The following CLIP2 variants were observed in gnomAD, a reference collection of about 807,000 sequenced individuals.
The protein encoded by CLIP2 is CAP-Gly domain containing linker protein 2.
A neutral mutation model predicts 111.7 loss-of-function variants in CLIP2; 41 were observed. The observed-to-expected ratio is 0.37, with a 90% CI of 0.29 to 0.48. CLIP2 has a LOEUF of 0.48. CLIP2 is among the 20% of genes least tolerant of loss of function. The pLI is 0.99. For synonymous variants in CLIP2, 660 were observed against 644.2 expected (o/e 1.02, Z -0.37); for missense variants, 1,160 against 1,422.1 (o/e 0.82, Z 2.96).
chr7:74,349,875 A>G (rs1295618387), intron 3 of CLIP2, among the ~76,000 whole-genome samples: 2 of 151,848 alleles, frequency 1.3e-5, no homozygotes, highest in East Asian at 3.9e-4. Flanking sequence ...TCGGCCTCCC[A>G]AAGTGCTGTG....
At chr7:74,321,263 G>T (rs1450150588) in intron 2 of CLIP2, among the ~76,000 whole-genome samples, 1 of 151,950 alleles carries the variant, frequency 6.6e-6, no homozygotes, top group South Asian at 2.1e-4. Flanking sequence ...AGAAAAAAAC[G>T]TCCATTATCC....
At chr7:74,290,554 A>T (rs901838952) in intron 1 of CLIP2, among the ~76,000 whole-genome samples, 1 of 152,098 alleles carries the variant, frequency 6.6e-6, no homozygotes, top group Non-Finnish European at 1.5e-5. Context: ...CAGAGGGAGC[A>T]CCTTGGGGGG....
At chr7:74,340,967 G>T (rs1260242286) in intron 3 of CLIP2, among the ~76,000 whole-genome samples, 3 of 152,104 alleles carry the variant, frequency 2.0e-5, no homozygotes, top group African/African-American at 7.2e-5. Flanking sequence ...AAAGCATATT[G>T]CTGCCTGGGA....
At chr7:74,330,248 C>CT (rs10635770) in intron 2 of CLIP2, among the ~76,000 whole-genome samples, 100 of 136,440 alleles carry the variant, frequency 7.3e-4, no homozygotes, top group Admixed American at 1.3e-3. Context: ...TGTTTCTTTT[C>CT]TTTTTTTTTT....
chr7:74,341,888 C>G (rs1789666183), intron 3 of CLIP2, among the ~76,000 whole-genome samples: 1 of 152,138 alleles, frequency 6.6e-6, no homozygotes, highest in Admixed American at 6.5e-5. Context: ...GGCCAGTGAT[C>G]GCAGACATCA....
intron 13 of CLIP2, among the ~76,000 whole-genome samples, chr7:74,390,567 G>T (rs928085370): frequency 6.6e-6 from 1 of 151,992 alleles, no homozygotes; most frequent in South Asian, 2.1e-4. Flanking sequence ...TACTCAGGAG[G>T]CTGAGGTGGG....
Position 74,305,848 on chromosome 7 carries a change from C to T in CLIP2, c.-67-11632C>T, listed in dbSNP as rs1350848153. Among the ~76,000 whole-genome samples, 11 of 110,044 alleles carry T rather than the reference C, an allele frequency of 1.0e-4. 1 individual carries two copies. Among genetic ancestry groups the T allele is most frequent in the Non-Finnish European group, 1.8e-4 (10 of 56,134 alleles). The allele number at this position is 110,044 out of a possible 152,430, so 72.2% of individuals were successfully genotyped here. On this transcript the variant is annotated intron_variant, in intron 1 of 16. Coordinates refer to ENST00000223398, the MANE Select transcript of CLIP2 (RefSeq NM_003388.5). Reference sequence around the variant, plus strand: ...AGCCCCCAGCTGGCTTCTCTCCCTGCACCCCAACCCCCCCCCACCGCCCCT... The same window carrying T: ...AGCCCCCAGCTGGCTTCTCTCCCTGTACCCCAACCCCCCCCCACCGCCCCT...
At chr7:74,320,418 A>G (rs1207589310) in intron 2 of CLIP2, among the ~76,000 whole-genome samples, 1 of 152,038 alleles carries the variant, frequency 6.6e-6, no homozygotes, top group Non-Finnish European at 1.5e-5. Context: ...GTTACTTGGC[A>G]GCCTGAAGTA....
intron 11 of CLIP2, among the ~76,000 whole-genome samples, chr7:74,384,081 C>T (rs192693415): frequency 4.3e-4 from 66 of 152,246 alleles, no homozygotes; most frequent in African/African-American, 1.6e-3. Context: ...CCCAGCTACG[C>T]AGGAAGATGA....
intron 3 of CLIP2, among the ~76,000 whole-genome samples, chr7:74,340,659 G>T (rs1789632704): frequency 6.6e-6 from 1 of 152,130 alleles, no homozygotes; most frequent in Non-Finnish European, 1.5e-5. Context: ...TAGTCAGGTG[G>T]ATGGGACAGG....
At position 74,386,517 on chromosome 7, in the gene CLIP2, C is replaced by T. The variant is rs1554314815; in HGVS notation, c.2480-4C>T. 2 of 1,611,566 alleles carry T rather than the reference C, an allele frequency of 1.2e-6. No homozygotes were observed. Among genetic ancestry groups the T allele is most frequent in the African/African-American group, 2.7e-5 (2 of 74,882 alleles). The stretch of plus-strand genomic sequence containing the variant: ...ATGCTTCTCGTCTCTCCTCTCTCCC[C>T]TAGGCCTGCAGGACAAGCTGAACAA... On this transcript the variant is annotated splice_region_variant and splice_polypyrimidine_tract_variant and intron_variant, in intron 11 of 16. Coordinates refer to ENST00000223398, the MANE Select transcript of CLIP2 (RefSeq NM_003388.5).
chr7:74,317,594 C>A lies in CLIP2; in HGVS notation c.48C>A (p.His16Gln). 1 of 1,518,944 alleles carries A rather than the reference C, an allele frequency of 6.6e-7. No homozygotes were observed. The highest frequency in any genetic ancestry group is 8.9e-7 in the Non-Finnish European group (1 of 1,127,964). The allele number at this position is 1,518,944 out of a possible 1,614,324, so 94.1% of individuals were successfully genotyped here. ...AGCCCCCCGGCCGTGGGGGGAAGCA[C>A]TCCAGCCCCATGGGCCGGACATCTA... is the stretch of plus-strand genomic sequence containing the variant. ...GLKPPGRGGK[H>Q]SSPMGRTSTG... The change falls in exon 2 of 17, where the codon CAC (histidine) becomes CAA (glutamine). Residue 16 changes from histidine to glutamine, a missense_variant. His to Gln is a conservative substitution (Grantham distance 24). This residue lies in a region of CLIP2 where 301 missense variants were observed against 315.2 expected (regional missense o/e 0.96). Coordinates refer to ENST00000223398, the MANE Select transcript of CLIP2 (RefSeq NM_003388.5).
rs192159074 is a variant in CLIP2 at position 74,388,200 on chromosome 7, C to T, written c.2564-903C>T. ...CAAAAAAATTAGCTGAGCGTGGTAGCGTGCACCTGTAGTCCCAGCTACTCA... is the reference window on the plus strand; with the variant it reads ...CAAAAAAATTAGCTGAGCGTGGTAGTGTGCACCTGTAGTCCCAGCTACTCA... On this transcript the variant is annotated intron_variant, in intron 12 of 16. Transcript: ENST00000223398. 8.9e-4 allele frequency among the ~76,000 whole-genome samples: 135 copies of T among 152,140 alleles called. 1 individual carries two copies. The highest frequency in any genetic ancestry group is 3.0e-3 in the African/African-American group (125 of 41,506).
chr7:74,400,326 C>T (rs1024512403), intron 14 of CLIP2, 44 bp from the exon 15 acceptor site: 1 of 1,502,428 alleles, frequency 6.7e-7, no homozygotes. Flanking sequence ...CACCAACACA[C>T]ACACGCACAC....
At position 74,389,176 on chromosome 7, in the gene CLIP2, A is replaced by G. The variant is rs1791204653; in HGVS notation, c.2637A>G (p.Ala879=). The change falls in exon 13 of 17, where the codon GCA becomes GCG. Residue 879 remains alanine, a synonymous_variant. Transcript: ENST00000223398. The part of the protein sequence containing the change: ...ALLKEKRRLE[A]ELETVSRKTH... ...TGAAGGAGAAGCGGCGCCTGGAGGC[A>G]GAGCTGGAGACCGTGTCCCGGAAGA... 1 of 1,613,616 alleles carries G rather than the reference A, an allele frequency of 6.2e-7. No individual in the cohort carries two copies. Among genetic ancestry groups the G allele is most frequent in the South Asian group, 1.1e-5 (1 of 91,070 alleles).
Position 74,357,269 on chromosome 7 carries a change from C to T in CLIP2, c.1018-11C>T, listed in dbSNP as rs782346879. 4.3e-6 allele frequency: 7 copies of T among 1,613,506 alleles called. No homozygotes were observed. Among genetic ancestry groups the T allele is most frequent in the Non-Finnish European group, 5.9e-6 (7 of 1,179,578 alleles). On this transcript the variant is annotated splice_polypyrimidine_tract_variant and intron_variant, in intron 5 of 16. Coordinates refer to ENST00000223398, the MANE Select transcript of CLIP2 (RefSeq NM_003388.5). ...TCCCTGAGACCCGCCTGCATCCACA[C>T]CTTCCTGCAGCTCACGGAGACCTCT...
intron 7 of CLIP2, among the ~76,000 whole-genome samples, chr7:74,363,567 G>A (rs567417943): frequency 6.6e-6 from 1 of 152,282 alleles, no homozygotes; most frequent in South Asian, 2.1e-4. Context: ...CCTTGTGGTA[G>A]TGTCTGTTCC....
At chr7:74,348,426 T>C (rs1339277821) in intron 3 of CLIP2, among the ~76,000 whole-genome samples, 2 of 151,754 alleles carry the variant, frequency 1.3e-5, no homozygotes, top group East Asian at 1.9e-4. Context: ...GAGGCTGAGA[T>C]GGGAGGATCC....
chr7:74,390,080 C>T (rs1258937233), intron 13 of CLIP2, among the ~76,000 whole-genome samples: 3 of 136,654 alleles, frequency 2.2e-5, no homozygotes, highest in Non-Finnish European at 4.6e-5. Flanking sequence ...AGAGCAAAAC[C>T]CTGTCTCTTT....
Sources: gnomAD v4.1 joint callset for allele counts (sites outside exome capture counted in the v4.1 genomes callset) on GRCh38, gnomAD v4.1.1 for gene constraint, gnomAD v4.1.1 regional missense constraint, MANE v1.5 for transcripts, NCBI Gene and HGNC (gene_info 2026-07-23, HGNC 2026-07-21) for gene names.